The following CDKAL1 variants were observed in gnomAD, a reference collection of about 807,000 sequenced individuals.
CDKAL1 encodes CDKAL1 threonylcarbamoyladenosine tRNA methylthiotransferase, also known as threonylcarbamoyladenosine tRNA methylthiotransferase.
CDKAL1 carries 32 observed loss-of-function variants against 68.2 expected under a neutral mutation model. The ratio of observed to expected loss-of-function variants is 0.47; its 90% CI spans 0.35 to 0.63. The LOEUF is 0.63. Among genes scored for constraint, CDKAL1 ranks in the 30% least tolerant of loss-of-function variants. The pLI is 0.00. For missense variants in CDKAL1, 606 were observed against 696.7 expected (o/e 0.87, Z 1.47); for synonymous variants, 234 against 244.3 (o/e 0.96, Z 0.39).
chr6:21,058,129 A>T (rs1003002104), intron 11 of CDKAL1, among the ~76,000 whole-genome samples: 1 of 152,176 alleles, frequency 6.6e-6, no homozygotes, highest in African/African-American at 2.4e-5. Flanking sequence ...GTGTCCCGCT[A>T]TTATTGGGTG....
intron 8 of CDKAL1, among the ~76,000 whole-genome samples, chr6:20,827,547 A>G (rs1777548493): frequency 6.6e-6 from 1 of 152,190 alleles, no homozygotes; most frequent in Non-Finnish European, 1.5e-5. Context: ...TTAAGAGATG[A>G]ACAATTGAAG....
chr6:21,213,229 T>C (rs1159060510), intron 15 of CDKAL1, among the ~76,000 whole-genome samples: 2 of 152,140 alleles, frequency 1.3e-5, no homozygotes, highest in Non-Finnish European at 2.9e-5. Context: ...GTCCATTTGA[T>C]AGGATGGTTT....
chr6:21,165,180 C>G (rs1374163216), intron 13 of CDKAL1, among the ~76,000 whole-genome samples: 1 of 152,230 alleles, frequency 6.6e-6, no homozygotes, highest in African/African-American at 2.4e-5. Context: ...CTTTCTGTTT[C>G]AGGAGAAGAA....
chr6:20,898,266 C>T (rs190408799), intron 9 of CDKAL1, among the ~76,000 whole-genome samples: 3 of 151,216 alleles, frequency 2.0e-5, no homozygotes, highest in African/African-American at 7.3e-5. Flanking sequence ...CCTCTAGATA[C>T]TCTCCTGGTC....
chr6:20,851,619 T>C (rs1276180096), intron 9 of CDKAL1, among the ~76,000 whole-genome samples: 1 of 152,100 alleles, frequency 6.6e-6, no homozygotes, highest in African/African-American at 2.4e-5. Context: ...CATAAACTGG[T>C]TATGGAAAGG....
chr6:20,947,151 A>G (rs1259176168), intron 9 of CDKAL1, among the ~76,000 whole-genome samples: 2 of 152,192 alleles, frequency 1.3e-5, no homozygotes, highest in African/African-American at 4.8e-5. Flanking sequence ...CACCTAAACT[A>G]TATACCTGAT....
At chr6:20,574,640 T>C (rs986880933) in intron 4 of CDKAL1, among the ~76,000 whole-genome samples, 3 of 152,182 alleles carry the variant, frequency 2.0e-5, no homozygotes, top group Non-Finnish European at 2.9e-5. Context: ...GGTGTATTTT[T>C]GCTTGATGTC....
At chr6:20,982,862 A>C (rs1275070461) in intron 10 of CDKAL1, among the ~76,000 whole-genome samples, 1 of 152,198 alleles carries the variant, frequency 6.6e-6, no homozygotes, top group Non-Finnish European at 1.5e-5. Context: ...ATTTTAAAAA[A>C]ACAACATTTT....
intron 15 of CDKAL1, among the ~76,000 whole-genome samples, chr6:21,226,494 T>C (rs984408532): frequency 5.9e-5 from 9 of 152,248 alleles, no homozygotes; most frequent in African/African-American, 2.2e-4. Flanking sequence ...TAACACAGAA[T>C]GCACGATGGG....
At chr6:20,543,732 ATTT>A (rs758586145) in intron 2 of CDKAL1, among the ~76,000 whole-genome samples, 2 of 102,388 alleles carry the variant, frequency 2.0e-5, no homozygotes, top group Non-Finnish European at 3.8e-5. Flanking sequence ...TATGTTTTAC[ATTT>A]TTTTTTTTTT....
rs915186145 is a variant in CDKAL1, at chr6:20,788,198, C to G, written c.638+6933C>G. 5.9e-5 allele frequency among the ~76,000 whole-genome samples: 9 copies of G among 152,290 alleles called. No individual in the cohort carries two copies. In the South Asian group the frequency reaches 1.9e-3, roughly 32 times the overall value. ...CAGAGCAATCTCCTCTGGAAGGTGG[C>G]CTTTCTGATTAAATACTAGCTAAGA... On this transcript the variant is annotated intron_variant, in intron 8 of 15. Transcript: ENST00000274695.
At chr6:21,208,687 A>G (rs142528346) in intron 15 of CDKAL1, among the ~76,000 whole-genome samples, 9 of 152,248 alleles carry the variant, frequency 5.9e-5, no homozygotes, top group African/African-American at 9.6e-5. Flanking sequence ...AATTAAAACC[A>G]TAGTACGTTT....
chr6:20,913,370 G>A (rs1407148646), intron 9 of CDKAL1, among the ~76,000 whole-genome samples: 1 of 152,066 alleles, frequency 6.6e-6, no homozygotes, highest in Admixed American at 6.6e-5. Context: ...TAGGGTTGAG[G>A]GCTTCAGCTC....
rs60342057 is a variant in CDKAL1 at position 21,069,804 on chromosome 6, T to TTTTAAAA, written c.1236+4576_1236+4577insTTTAAAA. On this transcript the variant is annotated intron_variant, in intron 12 of 15. Coordinates refer to ENST00000274695, the MANE Select transcript of CDKAL1 (RefSeq NM_017774.3). ...TTTTTTTTTTTTTTTTTTTTTTTTT[T>TTTTAAAA]AAAACAGAGCCTTGCTCTGTCACCC... Among the ~76,000 whole-genome samples, 227 of 85,480 alleles carry TTTTAAAA rather than the reference T, an allele frequency of 2.7e-3. 17 individuals are homozygous for TTTTAAAA. The highest frequency in any genetic ancestry group is 9.3e-3 in the Middle Eastern group (1 of 108). The allele number at this position is 85,480 out of a possible 152,430, so 56.1% of individuals were successfully genotyped here. A position where few individuals can be genotyped will look rare whatever the true frequency, so the allele number is the denominator to read the frequency against.
intron 9 of CDKAL1, among the ~76,000 whole-genome samples, chr6:20,869,443 C>T (rs527287095): frequency 2.0e-5 from 3 of 152,114 alleles, no homozygotes; most frequent in South Asian, 4.2e-4. Context: ...CATTTTTTAA[C>T]GTGTGTGTTT....
At chr6:21,138,808 C>T (rs1021182083) in intron 13 of CDKAL1, among the ~76,000 whole-genome samples, 2 of 152,286 alleles carry the variant, frequency 1.3e-5, no homozygotes, top group Non-Finnish European at 2.9e-5. Context: ...TGAGCTCAGT[C>T]AGGCCCATCT....
chr6:20,564,588 A>G (rs892651399), intron 4 of CDKAL1, among the ~76,000 whole-genome samples: 2 of 152,230 alleles, frequency 1.3e-5, no homozygotes, highest in Admixed American at 1.3e-4. Flanking sequence ...GATATTTAAC[A>G]ATCATTTTGT....
At chr6:21,146,374 A>G (rs1776168176) in intron 13 of CDKAL1, among the ~76,000 whole-genome samples, 1 of 152,136 alleles carries the variant, frequency 6.6e-6, no homozygotes, top group Non-Finnish European at 1.5e-5. Context: ...GCCCAGGAGG[A>G]AAGGGTGTTT....
At position 20,677,509 on chromosome 6, in the gene CDKAL1, C is replaced by T. The variant is rs936106351; in HGVS notation, c.371+28132C>T. On this transcript the variant is annotated intron_variant, in intron 5 of 15. Transcript: ENST00000274695. Reference sequence around the variant, plus strand: ...TCTTGCCTCATTGCTGCCTCCACCTCCCAGGTTCAAGCGATTCTCCTGCGT... The same window carrying T: ...TCTTGCCTCATTGCTGCCTCCACCTTCCAGGTTCAAGCGATTCTCCTGCGT... Among the ~76,000 whole-genome samples, 3 of 152,194 alleles carry T rather than the reference C, an allele frequency of 2.0e-5. No homozygotes were observed. In the East Asian group the frequency reaches 5.8e-4, roughly 29 times the overall value.
Sources: allele counts gnomAD v4.1 joint callset (sites outside exome capture counted in the v4.1 genomes callset), GRCh38; gene constraint gnomAD v4.1.1; transcripts MANE v1.5; gene names NCBI Gene and HGNC (gene_info 2026-07-23, HGNC 2026-07-21).